AKAP6: variants seen among roughly 807,000 people sequenced by gnomAD.
AKAP6 encodes the protein A-kinase anchor protein 6.
A neutral mutation model predicts 188.5 loss-of-function variants in AKAP6; 58 were observed. That is an observed-to-expected ratio of 0.31 (90% CI 0.25 to 0.38). The LOEUF (loss-of-function observed/expected upper bound fraction) is 0.38. AKAP6 is among the 10% of genes least tolerant of loss of function. The pLI, the probability that AKAP6 is intolerant of heterozygous loss-of-function variation, is 1.00. For synonymous variants in AKAP6, 989 were observed against 998.6 expected (o/e 0.99, Z 0.18); for missense variants, 2,710 against 2,740.0 (o/e 0.99, Z 0.24).
chr14:32,724,847 A>C (rs1159873027), intron 9 of AKAP6, among the ~76,000 whole-genome samples: 1 of 152,052 alleles, frequency 6.6e-6, no homozygotes, highest in Non-Finnish European at 1.5e-5. Flanking sequence ...CTGGAGGAAA[A>C]AATAGCACAT....
intron 1 of AKAP6, among the ~76,000 whole-genome samples, chr14:32,343,160 G>T (rs1433863582): frequency 6.6e-6 from 1 of 152,122 alleles, no homozygotes; most frequent in Non-Finnish European, 1.5e-5. Flanking sequence ...ACCCCCACTA[G>T]CTCTGTGCCC....
At chr14:32,623,730 C>T (rs537735469) in intron 7 of AKAP6, among the ~76,000 whole-genome samples, 3 of 152,234 alleles carry the variant, frequency 2.0e-5, no homozygotes, top group East Asian at 3.9e-4. Flanking sequence ...TTCTAGGTAG[C>T]TTTACCTGTT....
At position 32,655,745 on chromosome 14, in the gene AKAP6, A is replaced by C. The variant is rs142656401; in HGVS notation, c.2731-22566A>C. On this transcript the variant is annotated intron_variant, in intron 7 of 13. Transcript: ENST00000280979. The stretch of plus-strand genomic sequence containing the variant: ...ATTTGGGAGCTGGTGATAAATAGAC[A>C]AATTGCCTGGGGAAGATGGTTATGT... Among the ~76,000 whole-genome samples, 1,084 of 152,290 alleles carry C rather than the reference A, an allele frequency of 7.1e-3. 17 individuals are homozygous for C. The highest frequency in any genetic ancestry group is 0.025 in the African/African-American group (1,041 of 41,572).
intron 2 of AKAP6, among the ~76,000 whole-genome samples, chr14:32,526,358 G>A (rs1265435630): frequency 1.3e-5 from 2 of 152,084 alleles, no homozygotes; most frequent in Admixed American, 1.3e-4. Context: ...TCAGCCTCCA[G>A]AGTAGCTTGG....
intron 8 of AKAP6, among the ~76,000 whole-genome samples, 198 bp downstream of exon 8, chr14:32,678,657 G>A (rs534756611): frequency 1.9e-4 from 29 of 152,202 alleles, no homozygotes; most frequent in African/African-American, 7.0e-4. Flanking sequence ...ATCTAACCCA[G>A]AACTTTCTGA....
At chr14:32,603,174 C>A (rs1416546673) in intron 7 of AKAP6, among the ~76,000 whole-genome samples, 1 of 151,780 alleles carries the variant, frequency 6.6e-6, no homozygotes, top group African/African-American at 2.4e-5. Context: ...TGTTGTTGGA[C>A]AAGGGGAGGC....
chr14:32,821,280 C>A, intron 12 of AKAP6, 122 bp from the exon 13 acceptor site: 1 of 1,055,262 alleles, frequency 9.5e-7, no homozygotes, highest in Non-Finnish European at 1.3e-6. Flanking sequence ...ATTAGGCCGT[C>A]TTTCAAGTCC....
chr14:32,414,127 G>T (rs1889579686), intron 1 of AKAP6, among the ~76,000 whole-genome samples: 1 of 152,054 alleles, frequency 6.6e-6, no homozygotes, highest in South Asian at 2.1e-4. Flanking sequence ...GCCTGGCCAT[G>T]AAGTGGGGAC....
Position 32,604,269 on chromosome 14 carries a change from C to T in AKAP6, c.2730+3477C>T, listed in dbSNP as rs376617929. Among the ~76,000 whole-genome samples the T allele has an allele frequency of 9.2e-5, 14 of 152,196 alleles. No individual in the cohort carries two copies. In the East Asian group the frequency reaches 2.3e-3, roughly 25 times the overall value. ...AAGGAGAGGCTTTTGTAGGTATCCG[C>T]AGATGCAGAAGTTGAAGGAGGCTCT... On this transcript the variant is annotated intron_variant, in intron 7 of 13. Coordinates refer to ENST00000280979, the MANE Select transcript of AKAP6 (RefSeq NM_004274.5).
chr14:32,821,053 A>G (rs2034505878), intron 12 of AKAP6, among the ~76,000 whole-genome samples: 2 of 152,224 alleles, frequency 1.3e-5, no homozygotes, highest in Admixed American at 6.5e-5. Context: ...CATAGGCTGT[A>G]CTATTTTTAC....
In AKAP6 at chr14:32,823,623, C is replaced by T; in HGVS notation, c.5810C>T (p.Ala1937Val). ...ISESEHCKCK[A>V]LMDSLDDSNT... ...GAGAGTGAGCATTGTAAGTGTAAAG[C>T]ACTTATGGATAGTTTAGATGATTCA... is the stretch of plus-strand genomic sequence containing the variant. The change falls in exon 13 of 14, where the codon GCA (alanine) becomes GTA (valine). Residue 1937 changes from alanine (A) to valine (V), a missense_variant. Transcript: ENST00000280979. 6.2e-7 allele frequency: 1 copy of T among 1,613,758 alleles called. No individual in the cohort carries two copies.
At chr14:32,386,866 C>G (rs1224863397) in intron 1 of AKAP6, among the ~76,000 whole-genome samples, 2 of 152,082 alleles carry the variant, frequency 1.3e-5, no homozygotes, top group Non-Finnish European at 2.9e-5. Flanking sequence ...AAACGGTGTC[C>G]TTTCCCCACT....
rs762175565 is a variant in AKAP6, at chr14:32,824,680, C to G, written c.6867C>G (p.Asp2289Glu). The change falls in exon 13 of 14, where the codon GAC becomes GAG. Residue 2289 changes from aspartate to glutamate, a missense_variant. Transcript: ENST00000280979. ...CCTTGAAGGCAAATCAGCCAACAGACAAGGCCGCATTGCATCCCAGCCCCA... is the reference window on the plus strand; with the variant it reads ...CCTTGAAGGCAAATCAGCCAACAGAGAAGGCCGCATTGCATCCCAGCCCCA... ...DLSLKANQPTDKAALHPSPKT... is the reference protein window; with the variant it reads ...DLSLKANQPTEKAALHPSPKT... 1.2e-6 allele frequency: 2 copies of G among 1,613,904 alleles called. No homozygotes were observed. The highest frequency in any genetic ancestry group is 3.3e-5 in the Admixed American group (2 of 59,936).
chr14:32,700,738 C>T lies in AKAP6; in HGVS notation c.3000+4628C>T, dbSNP rs113241470. On this transcript the variant is annotated intron_variant, in intron 9 of 13. Coordinates refer to ENST00000280979, the MANE Select transcript of AKAP6 (RefSeq NM_004274.5). The stretch of plus-strand genomic sequence containing the variant: ...TGTGTAATAGTCTCTACCATCTACT[C>T]TATCATCTAGGTTTATCTAAGTACA... Among the ~76,000 whole-genome samples the T allele has an allele frequency of 5.1e-3, 771 of 152,222 alleles. 7 individuals carry two copies. The highest frequency in any genetic ancestry group is 0.017 in the African/African-American group (712 of 41,542).
intron 1 of AKAP6, among the ~76,000 whole-genome samples, chr14:32,422,004 T>C (rs1889865763): frequency 1.3e-5 from 2 of 152,190 alleles, no homozygotes; most frequent in Non-Finnish European, 1.5e-5. Flanking sequence ...AGAGACCCTG[T>C]GATTCATTCT....
chr14:32,453,192 G>A (rs936249721), intron 2 of AKAP6, among the ~76,000 whole-genome samples: 1 of 152,170 alleles, frequency 6.6e-6, no homozygotes, highest in African/African-American at 2.4e-5. Flanking sequence ...TTTAATCTGA[G>A]AATTGGGTAA....
intron 5 of AKAP6, among the ~76,000 whole-genome samples, chr14:32,593,011 AACACACAC>A (rs60277036): frequency 0.052 from 6,486 of 123,796 alleles, 247 homozygotes; most frequent in East Asian, 0.11. Context: ...CCCCCACCCC[AACACACAC>A]ACACACACAC....
chr14:32,731,098 G>A (rs2031152125), intron 9 of AKAP6, among the ~76,000 whole-genome samples: 1 of 152,128 alleles, frequency 6.6e-6, no homozygotes. Flanking sequence ...AATATGAAAT[G>A]CTTTAAATCA....
At chr14:32,762,151 C>T (rs1434964372) in intron 11 of AKAP6, among the ~76,000 whole-genome samples, 1 of 152,048 alleles carries the variant, frequency 6.6e-6, no homozygotes, top group African/African-American at 2.4e-5. Context: ...CTAAAAGTTA[C>T]CTTCCTATAA....
Sources: gnomAD v4.1 joint callset for allele counts (sites outside exome capture counted in the v4.1 genomes callset) on GRCh38, gnomAD v4.1.1 for gene constraint, MANE v1.5 for transcripts, NCBI Gene and HGNC (gene_info 2026-07-23, HGNC 2026-07-21) for gene names.